The following PSD3 variants were observed in gnomAD, a reference collection of about 807,000 sequenced individuals.
PSD3 encodes the protein PH and SEC7 domain-containing protein 3.
PSD3 carries 49 observed loss-of-function variants against 105.5 expected under a neutral mutation model. That is an observed-to-expected ratio of 0.46 (90% CI 0.37 to 0.59). The LOEUF (loss-of-function observed/expected upper bound fraction) is 0.59. Among genes scored for constraint, PSD3 ranks in the 20% least tolerant of loss-of-function variants. The probability of loss-of-function intolerance (pLI) is 0.00; values close to 1 mark genes in which losing one functional copy is unlikely to be tolerated. For missense variants in PSD3, 1,561 were observed against 1,263.8 expected, an observed-to-expected ratio of 1.24 and a Z score of -3.57; for synonymous variants, 557 against 457.8, an observed-to-expected ratio of 1.22 and a Z score of -2.77.
At chr8:18,783,599 T>C (rs546114481) in intron 8 of PSD3, among the ~76,000 whole-genome samples, 7 of 152,224 alleles carry the variant, frequency 4.6e-5, no homozygotes, top group Non-Finnish European at 1.0e-4. Context: ...TCATCAGCTG[T>C]ATACCATAAG....
chr8:18,596,041 A>C (rs994785565), intron 12 of PSD3, among the ~76,000 whole-genome samples: 1 of 152,118 alleles, frequency 6.6e-6, no homozygotes, highest in Non-Finnish European at 1.5e-5. Context: ...GAAGACTGAA[A>C]TAATACCAAA....
intron 8 of PSD3, chr8:18,774,649 T>C (rs776842280): frequency 1.1e-5 from 4 of 373,390 alleles, no homozygotes; most frequent in African/African-American, 2.1e-5. Flanking sequence ...CAGTGGCACA[T>C]GATACAAGTA....
chr8:18,635,058 A>C (rs1020550314), intron 10 of PSD3, among the ~76,000 whole-genome samples: 9 of 152,082 alleles, frequency 5.9e-5, no homozygotes, highest in African/African-American at 2.2e-4. Flanking sequence ...TATTTGTTTT[A>C]TTCTTTAGGT....
Position 18,952,377 on chromosome 8 carries a change from G to A in PSD3, c.22-16235C>T, listed in dbSNP as rs937485790. On this transcript the variant is annotated intron_variant, in intron 1 of 15. Coordinates refer to ENST00000327040, the MANE Select transcript of PSD3 (RefSeq NM_015310.4). Reference sequence around the variant, plus strand: ...ACCTAAAAACGGACTTGTTTCTGGGGAAAAATAACAGAGCTCCAAATAATT... The same window carrying A: ...ACCTAAAAACGGACTTGTTTCTGGGAAAAAATAACAGAGCTCCAAATAATT... Among the ~76,000 whole-genome samples, 403 of 152,168 alleles carry A rather than the reference G, an allele frequency of 2.6e-3. 2 individuals carry two copies. Among genetic ancestry groups the A allele is most frequent in the African/African-American group, 9.3e-3 (385 of 41,480 alleles).
intron 1 of PSD3, among the ~76,000 whole-genome samples, chr8:18,955,864 G>A (rs1823540279): frequency 6.6e-6 from 1 of 152,200 alleles, no homozygotes; most frequent in Non-Finnish European, 1.5e-5. Flanking sequence ...CGCCTCCCGG[G>A]TTCAAGTGAT....
intron 11 of PSD3, among the ~76,000 whole-genome samples, chr8:18,601,343 G>T (rs1200116989): frequency 6.7e-6 from 1 of 148,598 alleles, no homozygotes; most frequent in Non-Finnish European, 1.5e-5. Context: ...TTCTAAACAT[G>T]TCTGCTGAAA....
intron 9 of PSD3, chr8:18,684,204 C>CCACACACACACACACACA (rs67855105): frequency 5.1e-6 from 1 of 195,210 alleles, no homozygotes; most frequent in Admixed American, 5.9e-5. Flanking sequence ...TCTCTCTTTT[C>CCACACACACACACACACA]CACACACACA....
intron 2 of PSD3, among the ~76,000 whole-genome samples, chr8:18,887,511 G>A (rs1818517910): frequency 6.6e-6 from 1 of 152,126 alleles, no homozygotes; most frequent in Admixed American, 6.5e-5. Context: ...CAGTATAAAA[G>A]CACCAAATGT....
At chr8:19,060,935 C>T (rs1174295902) in intron 1 of PSD3, among the ~76,000 whole-genome samples, 1 of 152,186 alleles carries the variant, frequency 6.6e-6, no homozygotes, top group African/African-American at 2.4e-5. Flanking sequence ...CAACAGCCCC[C>T]TTGTTGAAGG....
At chr8:18,811,051 C>A (rs1274730671) in intron 4 of PSD3, among the ~76,000 whole-genome samples, 1 of 152,160 alleles carries the variant, frequency 6.6e-6, no homozygotes, top group African/African-American at 2.4e-5. Flanking sequence ...TCATCTAATT[C>A]CCAAAGAAAT....
At chr8:18,740,961 T>G (rs1426929555) in intron 9 of PSD3, among the ~76,000 whole-genome samples, 1 of 152,148 alleles carries the variant, frequency 6.6e-6, no homozygotes, top group African/African-American at 2.4e-5. Context: ...GTCAGAGGGC[T>G]TATCTGACCC....
intron 4 of PSD3, among the ~76,000 whole-genome samples, chr8:18,827,583 G>A (rs757066007): frequency 4.6e-5 from 7 of 152,216 alleles, no homozygotes; most frequent in Non-Finnish European, 7.3e-5. Flanking sequence ...AATTTATAAA[G>A]TGCTTAAAGC....
chr8:18,628,019 A>T (rs1352551997), intron 11 of PSD3, among the ~76,000 whole-genome samples: 2 of 152,056 alleles, frequency 1.3e-5, no homozygotes, highest in Non-Finnish European at 2.9e-5. Context: ...TCAAAGATAA[A>T]CATGCTGATT....
chr8:18,555,251 G>A (rs763849766), intron 15 of PSD3, among the ~76,000 whole-genome samples: 30 of 152,230 alleles, frequency 2.0e-4, no homozygotes, highest in Admixed American at 5.2e-4. Flanking sequence ...GGACAGGTGT[G>A]AGACGCCACA....
chr8:18,646,311 A>G (rs906953525), intron 10 of PSD3, among the ~76,000 whole-genome samples: 3 of 152,168 alleles, frequency 2.0e-5, no homozygotes, highest in African/African-American at 7.2e-5. Context: ...ATTAAGAAAC[A>G]CTACTCTGAT....
intron 1 of PSD3, among the ~76,000 whole-genome samples, chr8:19,073,753 C>T (rs947799111): frequency 4.6e-5 from 7 of 151,606 alleles, no homozygotes; most frequent in Non-Finnish European, 1.0e-4. Flanking sequence ...GAATCACCTG[C>T]TCTGATTTGC....
intron 8 of PSD3, among the ~76,000 whole-genome samples, chr8:18,778,662 G>A (rs932348055): frequency 1.3e-5 from 2 of 151,698 alleles, no homozygotes; most frequent in Non-Finnish European, 2.9e-5. Flanking sequence ...ATGAAGGGAT[G>A]TTGAATTTTA....
chr8:18,937,263 A>C (rs557016145), intron 1 of PSD3, among the ~76,000 whole-genome samples: 1 of 152,176 alleles, frequency 6.6e-6, no homozygotes, highest in East Asian at 1.9e-4. Context: ...CCTCTTTACT[A>C]TGAACCTAAA....
chr8:19,039,636 G>C (rs1287217435), intron 1 of PSD3, among the ~76,000 whole-genome samples: 1 of 152,162 alleles, frequency 6.6e-6, no homozygotes, highest in East Asian at 1.9e-4. Flanking sequence ...CACACCTGTG[G>C]CTCCTGATGT....
Sources: allele counts gnomAD v4.1 joint callset (sites outside exome capture counted in the v4.1 genomes callset), GRCh38; gene constraint gnomAD v4.1.1; transcripts MANE v1.5; gene names NCBI Gene and HGNC (gene_info 2026-07-23, HGNC 2026-07-21).